ACBD6: variants seen among roughly 807,000 people sequenced by gnomAD.
ACBD6 encodes the protein acyl-CoA binding domain containing 6.
In ACBD6, 28 loss-of-function variants were observed where a neutral mutation model predicts 37.2. The ratio of observed to expected loss-of-function variants is 0.75; its 90% CI spans 0.56 to 1.03. The LOEUF is 1.03. Among genes scored for constraint, ACBD6 ranks in the 50% least tolerant of loss-of-function variants. The pLI is 0.00. For missense variants in ACBD6, 340 were observed against 337.4 expected, an observed-to-expected ratio of 1.01 and a Z score of -0.06; for synonymous variants, 113 against 126.8, an observed-to-expected ratio of 0.89 and a Z score of 0.73.
rs144601601 is a variant in ACBD6 at position 180,416,099 on chromosome 1, T to C, written c.468-2628A>G. Among the ~76,000 whole-genome samples, 269 of 152,264 alleles carry C rather than the reference T, an allele frequency of 1.8e-3. 7 individuals are homozygous for C. Among genetic ancestry groups the C allele is most frequent in the Non-Finnish European group, 1.2e-4 (8 of 68,024 alleles). ...GAATGACGAATATAAAAAAATTAAG[T>C]GACACTCTTGGGCTTACTTGTTAAA... On this transcript the variant is annotated intron_variant, in intron 4 of 7. Transcript: ENST00000367595.
chr1:180,416,212 A>C (rs1648088307), intron 4 of ACBD6, among the ~76,000 whole-genome samples: 1 of 152,164 alleles, frequency 6.6e-6, no homozygotes, highest in Admixed American at 6.5e-5. Context: ...CTAGTGGCCA[A>C]AATGAAGAAA....
In ACBD6 at chr1:180,502,355, G is replaced by C. The variant is rs562966799; in HGVS notation, c.-89C>G. On this transcript the variant is annotated 5_prime_UTR_variant, in exon 1 of 8. Transcript: ENST00000367595. ...GCTTGGAGGCCTGGCCCACCAGTCT[G>C]GGTCGCGAGCCTGAGCTCCAGTCGG... is the stretch of plus-strand genomic sequence containing the variant. The C allele has an allele frequency of 7.6e-5, 110 of 1,451,422 alleles. No individual in the cohort carries two copies. The African/African-American group carries it at 1.5e-3, about 19-fold the overall frequency. The allele number at this position is 1,451,422 out of a possible 1,614,324, so 89.9% of individuals were successfully genotyped here.
Position 180,288,451 on chromosome 1 carries a change from C to G in ACBD6, c.761G>C (p.Arg254Pro). The G allele has an allele frequency of 6.2e-7, 1 of 1,613,744 alleles. No homozygotes were observed. Among genetic ancestry groups the G allele is most frequent in the African/African-American group, 1.3e-5 (1 of 75,024 alleles). ...CTCTGGCAGGCAGCCATCCTGGTCT[C>G]GGAGAGTGGGGTCAGCACCAGACTG... The part of the protein sequence containing the change: ...LLQSGADPTL[R>P]DQDGCLPEEV... Residue 254 changes from arginine to proline, a missense_variant, in exon 8 of 8, where the codon CGA (arginine) becomes CCA (proline). Coordinates refer to ENST00000367595, the MANE Select transcript of ACBD6 (RefSeq NM_032360.4).
In ACBD6 at chr1:180,299,209, A is replaced by C. The variant is rs367843669; in HGVS notation, c.695-10692T>G. The stretch of plus-strand genomic sequence containing the variant: ...CAGTGAAACACAAGTCATAATGTAG[A>C]GTCATCTTTCAGAAATGTGTACTCT... On this transcript the variant is annotated intron_variant, in intron 7 of 7. Transcript: ENST00000367595. 5.3e-5 allele frequency among the ~76,000 whole-genome samples: 8 copies of C among 152,322 alleles called. No homozygotes were observed. In the East Asian group the frequency reaches 1.3e-3, roughly 26 times the overall value.
intron 5 of ACBD6, among the ~76,000 whole-genome samples, chr1:180,406,313 C>T (rs1647623459): frequency 6.6e-6 from 1 of 152,090 alleles, no homozygotes; most frequent in East Asian, 1.9e-4. Flanking sequence ...AGTCTGAAAT[C>T]CAAAGTGCTC....
At chr1:180,500,368 A>C (rs1651912047) in intron 1 of ACBD6, among the ~76,000 whole-genome samples, 1 of 152,058 alleles carries the variant, frequency 6.6e-6, no homozygotes, top group African/African-American at 2.4e-5. Context: ...GTATGTTCAA[A>C]CCTAGACTCC....
At chr1:180,466,008 G>A (rs1273741224) in intron 3 of ACBD6, among the ~76,000 whole-genome samples, 1 of 152,084 alleles carries the variant, frequency 6.6e-6, no homozygotes. Context: ...CTACTTGAGG[G>A]GGGAGGGTGG....
intron 5 of ACBD6, among the ~76,000 whole-genome samples, chr1:180,410,828 C>A (rs1390668730): frequency 2.6e-5 from 4 of 152,200 alleles, no homozygotes; most frequent in Non-Finnish European, 5.9e-5. Context: ...TGACTTCCAA[C>A]TTTTATTATT....
chr1:180,379,226 C>T (rs1038737581), intron 6 of ACBD6, among the ~76,000 whole-genome samples: 2 of 152,188 alleles, frequency 1.3e-5, no homozygotes, highest in Admixed American at 6.5e-5. Flanking sequence ...ACCTACCCAA[C>T]ACCATAGATA....
At chr1:180,469,191 G>GT (rs1263336738) in intron 3 of ACBD6, among the ~76,000 whole-genome samples, 1 of 151,984 alleles carries the variant, frequency 6.6e-6, no homozygotes, top group Non-Finnish European at 1.5e-5. Context: ...TACCCTGATT[G>GT]TTTTTTTAGA....
In ACBD6 at chr1:180,502,467, A is replaced by T. The variant is rs1167231464; in HGVS notation, c.-201T>A. ...CTGGGCGTGCAGAGCAGGCTCCTCG[A>T]CCCTCTGCCGCTCTGCCCAGTCGAC... is the stretch of plus-strand genomic sequence containing the variant. On this transcript the variant is annotated 5_prime_UTR_variant, in exon 1 of 8. Transcript: ENST00000367595. 7.9e-6 allele frequency: 5 copies of T among 629,660 alleles called. No homozygotes were observed. The highest frequency in any genetic ancestry group is 1.4e-5 in the Non-Finnish European group (5 of 353,758). The allele number at this position is 629,660 out of a possible 1,614,324, so 39.0% of individuals were successfully genotyped here. A position where few individuals can be genotyped will look rare whatever the true frequency, so the allele number is the denominator to read the frequency against.
intron 6 of ACBD6, among the ~76,000 whole-genome samples, chr1:180,348,038 T>C (rs942506506): frequency 6.6e-6 from 1 of 152,214 alleles, no homozygotes; most frequent in Non-Finnish European, 1.5e-5. Context: ...CTTTAAATAC[T>C]GTATGTGTAT....
At chr1:180,420,934 AT>A (rs1468290912) in intron 4 of ACBD6, among the ~76,000 whole-genome samples, 1 of 151,726 alleles carries the variant, frequency 6.6e-6, no homozygotes, top group African/African-American at 2.4e-5. Context: ...CCTTTGTGGC[AT>A]TTTTTTCCTC....
In ACBD6 at chr1:180,388,171, G is replaced by A. The variant is rs1273252310; in HGVS notation, c.663+9345C>T. Among the ~76,000 whole-genome samples, 10 of 108,666 alleles carry A rather than the reference G, an allele frequency of 9.2e-5. No homozygotes were observed. In the South Asian group the frequency reaches 2.2e-3, roughly 24 times the overall value. The allele number at this position is 108,666 out of a possible 152,430, so 71.3% of individuals were successfully genotyped here. A position where few individuals can be genotyped will look rare whatever the true frequency, so the allele number is the denominator to read the frequency against. ...AGCCTGGGTGACAGAGCGAGACTCCGTCTCAAAAAAAAAAAAAAAAAGAAA... is the reference window on the plus strand; with the variant it reads ...AGCCTGGGTGACAGAGCGAGACTCCATCTCAAAAAAAAAAAAAAAAAGAAA... On this transcript the variant is annotated intron_variant, in intron 6 of 7. Transcript: ENST00000367595.
At chr1:180,432,226 A>C (rs1289295321) in intron 3 of ACBD6, among the ~76,000 whole-genome samples, 2 of 152,044 alleles carry the variant, frequency 1.3e-5, no homozygotes, top group East Asian at 3.8e-4. Context: ...AAAAATTTAT[A>C]ATCCATGAGA....
intron 3 of ACBD6, among the ~76,000 whole-genome samples, chr1:180,451,328 A>G (rs893403176): frequency 2.0e-5 from 3 of 152,242 alleles, no homozygotes; most frequent in Admixed American, 6.5e-5. Flanking sequence ...ATGGTTCTTC[A>G]AAGTTAAACA....
intron 3 of ACBD6, among the ~76,000 whole-genome samples, chr1:180,442,662 A>G (rs888701942): frequency 2.0e-5 from 3 of 151,736 alleles, no homozygotes; most frequent in Non-Finnish European, 4.4e-5. Flanking sequence ...CAGTCTTTTT[A>G]TGCTCTGTGC....
At chr1:180,312,230 C>T in intron 7 of ACBD6, among the ~76,000 whole-genome samples, 1 of 152,146 alleles carries the variant, frequency 6.6e-6, no homozygotes, top group South Asian at 2.1e-4. Context: ...TCTCCTTCTA[C>T]TTAGGTCCTT....
chr1:180,399,096 G>C (rs1039775821), intron 5 of ACBD6, among the ~76,000 whole-genome samples: 32 of 152,116 alleles, frequency 2.1e-4, no homozygotes, highest in African/African-American at 7.7e-4. Context: ...TCATTTGCTT[G>C]ATTTACTTTT....
Sources: gnomAD v4.1 joint callset for allele counts (sites outside exome capture counted in the v4.1 genomes callset) on GRCh38, gnomAD v4.1.1 for gene constraint, MANE v1.5 for transcripts, NCBI Gene and HGNC (gene_info 2026-07-23, HGNC 2026-07-21) for gene names.